BNC2: variants seen among roughly 807,000 people sequenced by gnomAD.
The protein encoded by BNC2 is basonuclin zinc finger protein 2.
Under a neutral mutation model 76.3 loss-of-function variants are expected in BNC2, and 20 were observed. The observed-to-expected ratio is 0.26, with a 90% confidence interval of 0.18 to 0.38. The LOEUF is 0.38. BNC2 is among the 10% of genes least tolerant of loss of function. The pLI is 1.00. For synonymous variants in BNC2, 582 were observed against 514.8 expected (o/e 1.13, Z -1.77); for missense variants, 1,382 against 1,399.8 (o/e 0.99, Z 0.20).
At chr9:16,681,875 G>C (rs1259959769) in intron 3 of BNC2, among the ~76,000 whole-genome samples, 1 of 152,140 alleles carries the variant, frequency 6.6e-6, no homozygotes, top group Non-Finnish European at 1.5e-5. Flanking sequence ...AGACACCACA[G>C]TAACTAGACA....
At chr9:16,659,177 C>T (rs150958308) in intron 3 of BNC2, among the ~76,000 whole-genome samples, 1 of 152,162 alleles carries the variant, frequency 6.6e-6, no homozygotes, top group Non-Finnish European at 1.5e-5. Context: ...CACACACGTG[C>T]ACTGACTTAA....
intron 5 of BNC2, among the ~76,000 whole-genome samples, chr9:16,472,044 T>C (rs1026772087): frequency 5.9e-5 from 9 of 152,176 alleles, no homozygotes; most frequent in Admixed American, 2.6e-4. Flanking sequence ...TTCCCAGTCA[T>C]GTGGAACTGT....
chr9:16,813,533 G>A (rs746462237), intron 1 of BNC2, among the ~76,000 whole-genome samples: 14 of 152,052 alleles, frequency 9.2e-5, no homozygotes, highest in Non-Finnish European at 5.9e-5. Context: ...CCAAAGTGCC[G>A]GGATTACAGG....
At chr9:16,854,178 A>C (rs1053694112) in intron 1 of BNC2, among the ~76,000 whole-genome samples, 25 of 152,198 alleles carry the variant, frequency 1.6e-4, no homozygotes, top group African/African-American at 4.6e-4. Flanking sequence ...GTGTTTTAAA[A>C]GGAAGGAAAG....
intron 1 of BNC2, among the ~76,000 whole-genome samples, chr9:16,844,036 G>A (rs575260729): frequency 7.2e-5 from 11 of 152,164 alleles, no homozygotes; most frequent in Admixed American, 6.5e-4. Context: ...GAAGCACGAG[G>A]ATAGCTCAAG....
In BNC2 at chr9:16,822,010, A is replaced by G. The variant is rs555536936; in HGVS notation, c.3+48636T>C. 3.2e-3 allele frequency among the ~76,000 whole-genome samples: 484 copies of G among 149,632 alleles called. 3 individuals are homozygous for G. Among genetic ancestry groups the G allele is most frequent in the African/African-American group, 0.011 (434 of 40,606 alleles). On this transcript the variant is annotated intron_variant, in intron 1 of 6. Coordinates refer to ENST00000380672, the MANE Select transcript of BNC2 (RefSeq NM_017637.6). ...CGGGAGGCTGAAGCAGGAGAATGGC[A>G]TGAACCCGGAAAGCGGAGCCTGCAG...
At chr9:16,512,084 T>C (rs1006390548) in intron 5 of BNC2, among the ~76,000 whole-genome samples, 1 of 152,236 alleles carries the variant, frequency 6.6e-6, no homozygotes, top group Non-Finnish European at 1.5e-5. Context: ...ATCTATTGTA[T>C]ACACATGTGA....
chr9:16,865,164 G>A (rs886623462), intron 1 of BNC2, among the ~76,000 whole-genome samples: 4 of 151,662 alleles, frequency 2.6e-5, no homozygotes, highest in African/African-American at 9.7e-5. Flanking sequence ...AAAAAAGCAG[G>A]GACTATGAAC....
chr9:16,601,287 G>C (rs1381363178), intron 3 of BNC2, among the ~76,000 whole-genome samples: 1 of 152,114 alleles, frequency 6.6e-6, no homozygotes, highest in Non-Finnish European at 1.5e-5. Context: ...GAGAAGAAGT[G>C]CCTCCTCAAA....
At chr9:16,586,301 G>C (rs1819769444) in intron 3 of BNC2, among the ~76,000 whole-genome samples, 1 of 152,088 alleles carries the variant, frequency 6.6e-6, no homozygotes, top group Non-Finnish European at 1.5e-5. Context: ...GCACCTTATT[G>C]AAAGTAATTA....
At chr9:16,485,936 A>C (rs1362541512) in intron 5 of BNC2, among the ~76,000 whole-genome samples, 3 of 152,224 alleles carry the variant, frequency 2.0e-5, no homozygotes, top group African/African-American at 7.2e-5. Flanking sequence ...GCTTTCCAGG[A>C]GACCATTTAC....
chr9:16,523,976 T>C lies in BNC2; in HGVS notation c.669+28554A>G, dbSNP rs528834946. ...TCAAAAAAGAATATTTTAATAACTG[T>C]TCTATTTTACAACTCTAACAGATTT... On this transcript the variant is annotated intron_variant, in intron 5 of 6. Transcript: ENST00000380672. 7.6e-4 allele frequency among the ~76,000 whole-genome samples: 116 copies of C among 152,204 alleles called. 1 individual carries two copies. Among genetic ancestry groups the C allele is most frequent in the African/African-American group, 2.5e-3 (105 of 41,532 alleles).
chr9:16,473,860 G>C (rs909891627), intron 5 of BNC2, among the ~76,000 whole-genome samples: 1 of 152,084 alleles, frequency 6.6e-6, no homozygotes, highest in Non-Finnish European at 1.5e-5. Flanking sequence ...GCAACACAGC[G>C]AGACTCTGTC....
chr9:16,825,018 C>G (rs1039152933), intron 1 of BNC2, among the ~76,000 whole-genome samples: 1 of 147,532 alleles, frequency 6.8e-6, no homozygotes, highest in Admixed American at 7.0e-5. Flanking sequence ...TTCCTTCAAA[C>G]AAATCACATC....
At chr9:16,494,064 C>T (rs1242539084) in intron 5 of BNC2, among the ~76,000 whole-genome samples, 1 of 152,178 alleles carries the variant, frequency 6.6e-6, no homozygotes, top group East Asian at 1.9e-4. Flanking sequence ...CTGAATAAAA[C>T]AGACAAACCC....
intron 4 of BNC2, among the ~76,000 whole-genome samples, chr9:16,578,875 G>T (rs1324961862): frequency 6.6e-6 from 1 of 152,164 alleles, no homozygotes; most frequent in Non-Finnish European, 1.5e-5. Flanking sequence ...TTTCAGTGAA[G>T]TAGTGGCAGT....
chr9:16,410,127 T>G lies in BNC2; in HGVS notation c.*8862A>C, dbSNP rs1292051912. The G allele has an allele frequency of 6.6e-6, 1 of 152,138 alleles. No individual in the cohort carries two copies. Among genetic ancestry groups the G allele is most frequent in the Non-Finnish European group, 1.5e-5 (1 of 68,028 alleles). 9.4% of individuals were successfully genotyped at this position (152,138 alleles called of 1,614,324 possible). The stretch of plus-strand genomic sequence containing the variant: ...TGTGTTCTCCCAGCTGTGTGAGGGA[T>G]CTTGCTAGTTCTAAAAGGCCTAGTC... On this transcript the variant is annotated 3_prime_UTR_variant, in exon 7 of 7. Coordinates refer to ENST00000380672, the MANE Select transcript of BNC2 (RefSeq NM_017637.6).
At chr9:16,762,774 T>G (rs1034592785) in intron 1 of BNC2, among the ~76,000 whole-genome samples, 6 of 152,202 alleles carry the variant, frequency 3.9e-5, no homozygotes, top group Non-Finnish European at 8.8e-5. Flanking sequence ...CTGAGATGAC[T>G]GTTTAGCATT....
At chr9:16,660,107 T>G (rs1158372819) in intron 3 of BNC2, among the ~76,000 whole-genome samples, 1 of 152,232 alleles carries the variant, frequency 6.6e-6, no homozygotes, top group Non-Finnish European at 1.5e-5. Context: ...TTGTACTATT[T>G]ACTAGCACTT....
Sources: gnomAD v4.1 joint callset for allele counts (sites outside exome capture counted in the v4.1 genomes callset) on GRCh38, gnomAD v4.1.1 for gene constraint, MANE v1.5 for transcripts, NCBI Gene and HGNC (gene_info 2026-07-23, HGNC 2026-07-21) for gene names.